STX6: variants seen among roughly 807,000 people sequenced by gnomAD.
STX6 encodes the protein syntaxin 6.
In STX6, 23 loss-of-function variants were observed where a neutral mutation model predicts 38.0. That is an observed-to-expected ratio of 0.60 (90% confidence interval 0.43 to 0.86). STX6 has a LOEUF of 0.86. Ranked by LOEUF, STX6 falls within the 40% of genes least tolerant of loss-of-function variation. The pLI is 0.00. For missense variants in STX6, 274 were observed against 312.9 expected, an observed-to-expected ratio of 0.88 and a Z score of 0.94; for synonymous variants, 123 against 107.5, an observed-to-expected ratio of 1.14 and a Z score of -0.89.
intron 2 of STX6, among the ~76,000 whole-genome samples, chr1:181,003,481 G>A (rs1656141809): frequency 6.6e-6 from 1 of 151,880 alleles, no homozygotes; most frequent in African/African-American, 2.4e-5. Flanking sequence ...CCTTTCTCAA[G>A]GGAAGAATTA....
intron 4 of STX6, among the ~76,000 whole-genome samples, chr1:180,991,120 A>G (rs1167372306): frequency 1.3e-5 from 2 of 152,176 alleles, no homozygotes; most frequent in African/African-American, 4.8e-5. Flanking sequence ...CCCTTCCAAC[A>G]GCCCCATGAC....
At chr1:180,993,324 C>T (rs757188962) in intron 4 of STX6, 39 bp downstream of exon 4, 1 of 1,153,918 alleles carries the variant, frequency 8.7e-7, no homozygotes, top group South Asian at 1.2e-5. Flanking sequence ...TAACTGTATG[C>T]TTTCTGTCAT....
chr1:181,000,317 G>C (rs1656044393), intron 3 of STX6, among the ~76,000 whole-genome samples: 1 of 152,192 alleles, frequency 6.6e-6, no homozygotes, highest in Admixed American at 6.5e-5. Flanking sequence ...TAATTTATAA[G>C]AGAAAGAGGT....
At chr1:180,990,856 T>A (rs1655737427) in intron 4 of STX6, among the ~76,000 whole-genome samples, 1 of 152,224 alleles carries the variant, frequency 6.6e-6, no homozygotes, top group African/African-American at 2.4e-5. Flanking sequence ...TAAATGGGTA[T>A]GTCTTCCTCA....
intron 4 of STX6, among the ~76,000 whole-genome samples, chr1:180,992,591 T>G (rs527989208): frequency 4.6e-4 from 70 of 152,308 alleles, no homozygotes; most frequent in Non-Finnish European, 7.9e-4. Flanking sequence ...TTTAAAAAAC[T>G]ACTTCTGTCA....
intron 1 of STX6, 25 bp from the exon 2 acceptor site, chr1:181,005,488 G>C (rs370829165): frequency 1.9e-6 from 3 of 1,598,690 alleles, no homozygotes; most frequent in African/African-American, 1.3e-5. Context: ...AGGCAAAGGA[G>C]AGAAATCACA....
At chr1:181,009,847 G>A (rs1237068230) in intron 1 of STX6, among the ~76,000 whole-genome samples, 1 of 149,446 alleles carries the variant, frequency 6.7e-6, no homozygotes, top group Non-Finnish European at 1.5e-5. Flanking sequence ...CAACTAATGA[G>A]TGGATAAACT....
In STX6 at chr1:180,978,346, A is replaced by G. The variant is rs79187194; in HGVS notation, c.692-1700T>C. ...TCACAGCTTATCAGAGCAGAAACCCACGAAGCAACAAACTCCATAGGAACC... is the reference window on the plus strand; with the variant it reads ...TCACAGCTTATCAGAGCAGAAACCCGCGAAGCAACAAACTCCATAGGAACC... On this transcript the variant is annotated intron_variant, in intron 7 of 7. Transcript: ENST00000258301. Among the ~76,000 whole-genome samples, 429 of 152,346 alleles carry G rather than the reference A, an allele frequency of 2.8e-3. 2 individuals carry two copies. Among genetic ancestry groups the G allele is most frequent in the African/African-American group, 9.9e-3 (412 of 41,576 alleles).
chr1:180,984,228 T>C (rs1655504976), intron 7 of STX6, among the ~76,000 whole-genome samples: 1 of 147,698 alleles, frequency 6.8e-6, no homozygotes, highest in South Asian at 2.1e-4. Context: ...TTCTAAGGCA[T>C]CACAAAAAAA....
At chr1:180,993,928 A>G (rs1376869499) in intron 3 of STX6, among the ~76,000 whole-genome samples, 1 of 152,328 alleles carries the variant, frequency 6.6e-6, no homozygotes, top group African/African-American at 2.4e-5. Flanking sequence ...TATAAAGTAT[A>G]TTTACCATTA....
At chr1:180,980,452 CCAAA>C (rs1208000482) in intron 7 of STX6, 1 of 151,236 alleles carries the variant, frequency 6.6e-6, no homozygotes, top group Non-Finnish European at 1.5e-5. Flanking sequence ...CTTACAAAAC[CCAAA>C]CATACTCTTA....
chr1:181,005,231 G>A (rs2102322257), intron 2 of STX6, 63 bp downstream of exon 2: 2 of 1,556,224 alleles, frequency 1.3e-6, no homozygotes, highest in Non-Finnish European at 1.7e-6. Flanking sequence ...GGAAACAACT[G>A]GAGAAAAACT....
chr1:181,007,924 T>C (rs1011795278), intron 1 of STX6, among the ~76,000 whole-genome samples: 11 of 152,202 alleles, frequency 7.2e-5, no homozygotes, highest in Non-Finnish European at 1.6e-4. Context: ...TTTGTGCAAA[T>C]CTCTTCAATA....
chr1:181,003,397 ATGAG>A (rs1196923730), intron 2 of STX6, among the ~76,000 whole-genome samples: 2 of 152,184 alleles, frequency 1.3e-5, no homozygotes, highest in Non-Finnish European at 2.9e-5. Context: ...TGGTTGAATG[ATGAG>A]TATCTATTAA....
At chr1:181,012,570 A>G (rs1396642319) in intron 1 of STX6, among the ~76,000 whole-genome samples, 1 of 152,178 alleles carries the variant, frequency 6.6e-6, no homozygotes, top group East Asian at 1.9e-4. Context: ...GAACTTTCCC[A>G]GTAAGTAGCT....
Position 180,973,777 on chromosome 1 carries a change from T to C in STX6, c.*2793A>G, listed in dbSNP as rs1328673491. The C allele has an allele frequency of 6.6e-6, 1 of 152,368 alleles. No homozygotes were observed. The highest frequency in any genetic ancestry group is 6.5e-5 in the Admixed American group (1 of 15,276). 9.4% of individuals were successfully genotyped at this position (152,368 alleles called of 1,614,324 possible). On this transcript the variant is annotated 3_prime_UTR_variant, in exon 8 of 8. Coordinates refer to ENST00000258301, the MANE Select transcript of STX6 (RefSeq NM_005819.6). ...ACTAAAGGTAGCTGAGTTTTTCAGA[T>C]GGATTTTCACTCTGGCAAACTCAGT...
In STX6 at chr1:180,976,515, C is replaced by T. The variant is rs543409439; in HGVS notation, c.*55G>A. ...CGGCAATGTCACACGTGCTCAGCTTCTCCTCCTCCCCTCGGTTCATATGCA... is the reference window on the plus strand; with the variant it reads ...CGGCAATGTCACACGTGCTCAGCTTTTCCTCCTCCCCTCGGTTCATATGCA... On this transcript the variant is annotated 3_prime_UTR_variant, in exon 8 of 8. Coordinates refer to ENST00000258301, the MANE Select transcript of STX6 (RefSeq NM_005819.6). The T allele has an allele frequency of 2.0e-6, 3 of 1,479,414 alleles. No homozygotes were observed. In the Admixed American group the frequency reaches 5.0e-5, roughly 25 times the overall value. The allele number at this position is 1,479,414 out of a possible 1,614,324, so 91.6% of individuals were successfully genotyped here.
chr1:180,991,326 G>C (rs1156964416), intron 4 of STX6, among the ~76,000 whole-genome samples: 1 of 152,152 alleles, frequency 6.6e-6, no homozygotes, highest in Non-Finnish European at 1.5e-5. Context: ...GCTTTTTGTG[G>C]GTGGCTCTGC....
chr1:181,015,560 G>T (rs542522173), intron 1 of STX6, among the ~76,000 whole-genome samples: 1 of 151,960 alleles, frequency 6.6e-6, no homozygotes, highest in Non-Finnish European at 1.5e-5. Flanking sequence ...AGAGACCTTG[G>T]GGCTCAGACA....
Sources: gnomAD v4.1 joint callset for allele counts (sites outside exome capture counted in the v4.1 genomes callset) on GRCh38, gnomAD v4.1.1 for gene constraint, MANE v1.5 for transcripts, NCBI Gene and HGNC (gene_info 2026-07-23, HGNC 2026-07-21) for gene names.